ADAMTS12: variants seen among roughly 807,000 people sequenced by gnomAD.
The protein encoded by ADAMTS12 is A disintegrin and metalloproteinase with thrombospondin motifs 12.
A neutral mutation model predicts 167.8 loss-of-function variants in ADAMTS12; 118 were observed. That is an observed-to-expected ratio of 0.70 (90% confidence interval 0.61 to 0.82). The LOEUF (loss-of-function observed/expected upper bound fraction) is 0.82. ADAMTS12 is among the 40% of genes least tolerant of loss of function. ADAMTS12 has a pLI of 0.00. For synonymous variants in ADAMTS12, 704 were observed against 716.9 expected (o/e 0.98, Z 0.29); for missense variants, 1,916 against 1,998.8 (o/e 0.96, Z 0.79).
At chr5:33,668,948 T>G (rs1420839082) in intron 5 of ADAMTS12, among the ~76,000 whole-genome samples, 5 of 152,180 alleles carry the variant, frequency 3.3e-5, no homozygotes, top group Non-Finnish European at 7.3e-5. Context: ...CTTTGTTTTT[T>G]TGGGAGAAAC....
At position 33,667,275 on chromosome 5, in the gene ADAMTS12, G is replaced by A. The variant is rs1002439191; in HGVS notation, c.916-5235C>T. Among the ~76,000 whole-genome samples, 7 of 133,746 alleles carry A rather than the reference G, an allele frequency of 5.2e-5. No individual in the cohort carries two copies. The East Asian group carries it at 8.8e-4, about 17-fold the overall frequency. The allele number at this position is 133,746 out of a possible 152,430, so 87.7% of individuals were successfully genotyped here. A position where few individuals can be genotyped will look rare whatever the true frequency, so the allele number is the denominator to read the frequency against. On this transcript the variant is annotated intron_variant, in intron 5 of 23. Transcript: ENST00000504830. ...GGAGGTTGCAGTGAGCCAAGATCACGTCACTGCACTCCAGCCTGGGCAACA... is the reference window on the plus strand; with the variant it reads ...GGAGGTTGCAGTGAGCCAAGATCACATCACTGCACTCCAGCCTGGGCAACA...
intron 3 of ADAMTS12, among the ~76,000 whole-genome samples, chr5:33,714,475 G>A (rs985923163): frequency 1.3e-5 from 2 of 152,040 alleles, no homozygotes; most frequent in Non-Finnish European, 2.9e-5. Context: ...AAGGAAATCA[G>A]TATGTCAAAG....
chr5:33,863,193 G>C (rs753175339), intron 2 of ADAMTS12, among the ~76,000 whole-genome samples: 3 of 152,086 alleles, frequency 2.0e-5, no homozygotes, highest in Non-Finnish European at 2.9e-5. Flanking sequence ...TTCCAGCCAG[G>C]GCAATCAGGC....
intron 14 of ADAMTS12, among the ~76,000 whole-genome samples, chr5:33,618,158 G>GA (rs1415254733): frequency 2.0e-5 from 3 of 152,168 alleles, no homozygotes; most frequent in Non-Finnish European, 4.4e-5. Context: ...GTAAGCTAGA[G>GA]AAAATAAAAT....
intron 2 of ADAMTS12, among the ~76,000 whole-genome samples, chr5:33,761,803 A>C (rs1745365677): frequency 6.6e-6 from 1 of 152,210 alleles, no homozygotes; most frequent in Non-Finnish European, 1.5e-5. Flanking sequence ...GGGCAATAAA[A>C]ATCTTCCTAC....
At position 33,891,603 on chromosome 5, in the gene ADAMTS12, T is replaced by A. The variant is rs1473374754; in HGVS notation, c.127+127A>T. ...TCCTGAGGTCCCAGCCCAGATTTCCTTACAACGCAGCCAAATGGCTTTTCA... is the reference window on the plus strand; with the variant it reads ...TCCTGAGGTCCCAGCCCAGATTTCCATACAACGCAGCCAAATGGCTTTTCA... On this transcript the variant is annotated intron_variant, in intron 1 of 23. Transcript: ENST00000504830. 2.8e-6 allele frequency: 4 copies of A among 1,444,230 alleles called. No individual in the cohort carries two copies. The Admixed American group carries it at 8.4e-5, about 30-fold the overall frequency. The allele number at this position is 1,444,230 out of a possible 1,614,324, so 89.5% of individuals were successfully genotyped here. A position where few individuals can be genotyped will look rare whatever the true frequency, so the allele number is the denominator to read the frequency against.
intron 16 of ADAMTS12, among the ~76,000 whole-genome samples, chr5:33,610,005 C>T (rs1738647880): frequency 6.6e-6 from 1 of 151,846 alleles, no homozygotes; most frequent in Non-Finnish European, 1.5e-5. Flanking sequence ...CATGGAGAAA[C>T]CCCGTCTCTA....
At chr5:33,662,864 C>T (rs528420911) in intron 5 of ADAMTS12, among the ~76,000 whole-genome samples, 25 of 152,322 alleles carry the variant, frequency 1.6e-4, no homozygotes, top group African/African-American at 6.0e-4. Flanking sequence ...CACATAGAGC[C>T]ATCCCTGGTA....
rs751105630 is a variant in ADAMTS12 at position 33,643,468 on chromosome 5, G to T, written c.1482C>A (p.Asn494Lys). The T allele has an allele frequency of 1.2e-6, 2 of 1,613,920 alleles. No homozygotes were observed. The highest frequency in any genetic ancestry group is 1.1e-5 in the South Asian group (1 of 91,074). The change falls in exon 10 of 24, where the codon AAC becomes AAA. Residue 494 changes from asparagine (N) to lysine (K), a missense_variant and splice_region_variant. By Grantham distance (94) the Asn-to-Lys change is moderately conservative. Transcript: ENST00000504830. ...PNATFCQEVE[N>K]VCQTLWCSVK... ...CGGAGCACCACAGTGTCTGGCAGAC[G>T]TTCTAGAAAACAAATTGCACTTCTT...
At chr5:33,872,372 C>G (rs556903742) in intron 2 of ADAMTS12, among the ~76,000 whole-genome samples, 3 of 151,882 alleles carry the variant, frequency 2.0e-5, no homozygotes, top group African/African-American at 7.3e-5. Flanking sequence ...GGTGAAACCC[C>G]GTCTCCACTA....
chr5:33,528,872 C>T (rs1395676012), intron 23 of ADAMTS12, among the ~76,000 whole-genome samples: 2 of 152,148 alleles, frequency 1.3e-5, no homozygotes, highest in African/African-American at 4.8e-5. Flanking sequence ...TGGTGAAACC[C>T]CGTCTCTACT....
intron 3 of ADAMTS12, among the ~76,000 whole-genome samples, chr5:33,747,864 T>C (rs1244046164): frequency 6.6e-6 from 1 of 152,198 alleles, no homozygotes; most frequent in Non-Finnish European, 1.5e-5. Context: ...ATGTCCTATA[T>C]CCAAGCTGTC....
At chr5:33,837,014 G>C (rs1748554624) in intron 2 of ADAMTS12, among the ~76,000 whole-genome samples, 1 of 152,020 alleles carries the variant, frequency 6.6e-6, no homozygotes, top group East Asian at 1.9e-4. Flanking sequence ...CTTCCAGATT[G>C]CTGGGATTAC....
At chr5:33,717,367 A>G (rs1242967507) in intron 3 of ADAMTS12, among the ~76,000 whole-genome samples, 1 of 152,208 alleles carries the variant, frequency 6.6e-6, no homozygotes, top group Non-Finnish European at 1.5e-5. Context: ...AAAGTATTCC[A>G]GAAGCAATAA....
chr5:33,523,721 A>G lies in ADAMTS12; in HGVS notation c.*3467T>C, dbSNP rs1400480480. ...ATGTCATACAATTATTTTGGAGGAC[A>G]ATGATGGGTAGGATTGTGCTTTACC... On this transcript the variant is annotated 3_prime_UTR_variant, in exon 24 of 24. Transcript: ENST00000504830. 1.3e-5 allele frequency: 2 copies of G among 152,228 alleles called. No homozygotes were observed. The highest frequency in any genetic ancestry group is 2.9e-5 in the Non-Finnish European group (2 of 68,030). 9.4% of individuals were successfully genotyped at this position (152,228 alleles called of 1,614,324 possible). A position where few individuals can be genotyped will look rare whatever the true frequency, so the allele number is the denominator to read the frequency against.
In ADAMTS12 at chr5:33,546,155, A is replaced by T; in HGVS notation, c.4350T>A (p.Cys1450Ter). 1 of 1,614,030 alleles carries T rather than the reference A, an allele frequency of 6.2e-7. No individual in the cohort carries two copies. The highest frequency in any genetic ancestry group is 8.5e-7 in the Non-Finnish European group (1 of 1,179,994). ...GGGVQERGVF[C>*]PGGLCDWTKR... ...TTGTCCAATCACAGAGGCCTCCTGG[A>T]CAGAACACTCCTCTCTCCTGAACTC... is the stretch of plus-strand genomic sequence containing the variant. The change falls in exon 22 of 24, where the codon TGT becomes TGA. Residue 1450 changes from cysteine to a stop codon, truncating the protein, a stop_gained. Transcript: ENST00000504830. LOFTEE classifies it high-confidence loss of function.
chr5:33,594,837 T>C (rs12188768), intron 17 of ADAMTS12, among the ~76,000 whole-genome samples: 29,258 of 152,132 alleles, frequency 0.19, 3,295 homozygotes, highest in East Asian at 0.34. Flanking sequence ...ACTGACATCA[T>C]TTTTTTCAAC....
chr5:33,825,306 C>T (rs1442966480), intron 2 of ADAMTS12, among the ~76,000 whole-genome samples: 1 of 152,152 alleles, frequency 6.6e-6, no homozygotes, highest in Non-Finnish European at 1.5e-5. Flanking sequence ...TCTTCCTGAC[C>T]ATATCCAAGA....
At chr5:33,799,322 A>G (rs1746904413) in intron 2 of ADAMTS12, among the ~76,000 whole-genome samples, 1 of 152,170 alleles carries the variant, frequency 6.6e-6, no homozygotes, top group African/African-American at 2.4e-5. Flanking sequence ...CTCCCACAGG[A>G]CCTAAATATA....
Sources: allele counts gnomAD v4.1 joint callset (sites outside exome capture counted in the v4.1 genomes callset), GRCh38; gene constraint gnomAD v4.1.1; transcripts MANE v1.5; gene names NCBI Gene and HGNC (gene_info 2026-07-23, HGNC 2026-07-21).